Variants in PCCA observed in about 807,000 individuals in gnomAD.
PCCA encodes propionyl-CoA carboxylase subunit alpha.
In PCCA, 74 loss-of-function variants were observed where a neutral mutation model predicts 101.3. The observed-to-expected ratio is 0.73, with a 90% confidence interval of 0.61 to 0.89. The LOEUF (loss-of-function observed/expected upper bound fraction) is 0.89. Ranked by LOEUF, PCCA falls within the 40% of genes least tolerant of loss-of-function variation. The pLI is 0.00. For missense variants in PCCA, 891 were observed against 907.0 expected, an observed-to-expected ratio of 0.98 and a Z score of 0.23; for synonymous variants, 294 against 313.6, an observed-to-expected ratio of 0.94 and a Z score of 0.66.
At chr13:100,527,331 T>C (rs1269179929) in intron 22 of PCCA, 1 of 480,812 alleles carries the variant, frequency 2.1e-6, no homozygotes, top group African/African-American at 2.0e-5. Flanking sequence ...ATCTGCCTAT[T>C]CTGGACATTT....
Position 100,089,145 on chromosome 13 carries a change from G to C in PCCA, c.25G>C (p.Ala9Pro). Reference sequence around the variant, plus strand: ...AATGGCGGGGTTCTGGGTCGGGACAGCACCGCTGGTCGCTGCCGGACGGCG... The same window carrying C: ...AATGGCGGGGTTCTGGGTCGGGACACCACCGCTGGTCGCTGCCGGACGGCG... The part of the protein sequence containing the change: MAGFWVGT[A>P]PLVAAGRRGR... The change falls in exon 1 of 24, where the codon GCA (alanine) becomes CCA (proline). Residue 9 changes from alanine to proline, a missense_variant. Ala to Pro is a conservative substitution (Grantham distance 27). Coordinates refer to ENST00000376285, the MANE Select transcript of PCCA (RefSeq NM_000282.4). 1 of 1,522,442 alleles carries C rather than the reference G, an allele frequency of 6.6e-7. No homozygotes were observed. Among genetic ancestry groups the C allele is most frequent in the Non-Finnish European group, 8.8e-7 (1 of 1,135,602 alleles). The allele number at this position is 1,522,442 out of a possible 1,614,324, so 94.3% of individuals were successfully genotyped here.
chr13:100,337,797 A>G (rs1039499674), intron 17 of PCCA, among the ~76,000 whole-genome samples: 8 of 152,210 alleles, frequency 5.3e-5, no homozygotes, highest in African/African-American at 1.9e-4. Flanking sequence ...CTGATGGTAT[A>G]TACGGTGCAT....
chr13:100,425,346 G>A (rs1370703636), intron 19 of PCCA, among the ~76,000 whole-genome samples: 1 of 151,262 alleles, frequency 6.6e-6, no homozygotes, highest in African/African-American at 2.5e-5. Flanking sequence ...TGCAGTAAAT[G>A]TAGCATGTCC....
In PCCA at chr13:100,112,955, A is replaced by C. The variant is rs112592061; in HGVS notation, c.300+894A>C. ...ATGGGGAAAGAATGTAAATTATTAA[A>C]TCTTTATGGCATGAAATATAAGTAG... On this transcript the variant is annotated intron_variant, in intron 4 of 23. Transcript: ENST00000376285. Among the ~76,000 whole-genome samples, 429 of 152,302 alleles carry C rather than the reference A, an allele frequency of 2.8e-3. 5 individuals are homozygous for C. Among genetic ancestry groups the C allele is most frequent in the African/African-American group, 9.7e-3 (405 of 41,566 alleles).
rs575926454 is a variant in PCCA, at chr13:100,118,073, G to A, written c.300+6012G>A. ...GGAGCTTGCAGTGAGCTGAGATCGT[G>A]CCACTGCAGTCCAGCCTGGGCGACA... On this transcript the variant is annotated intron_variant, in intron 4 of 23. Coordinates refer to ENST00000376285, the MANE Select transcript of PCCA (RefSeq NM_000282.4). Among the ~76,000 whole-genome samples, 11 of 148,702 alleles carry A rather than the reference G, an allele frequency of 7.4e-5. No individual in the cohort carries two copies. The South Asian group carries it at 1.7e-3, about 23-fold the overall frequency.
chr13:100,157,185 T>A, intron 5 of PCCA, 102 bp from the exon 6 acceptor site: 2 of 745,020 alleles, frequency 2.7e-6, no homozygotes, highest in South Asian at 3.2e-5. Flanking sequence ...ATTCAAGGGC[T>A]CTTGAACAGT....
chr13:100,515,120 A>T (rs780805824), intron 21 of PCCA, among the ~76,000 whole-genome samples: 5 of 152,230 alleles, frequency 3.3e-5, no homozygotes, highest in Non-Finnish European at 7.3e-5. Context: ...GGTGAAGGGA[A>T]TACAAGTAAA....
At chr13:100,488,267 A>G (rs2152976926) in intron 21 of PCCA, among the ~76,000 whole-genome samples, 1 of 152,052 alleles carries the variant, frequency 6.6e-6, no homozygotes, top group East Asian at 1.9e-4. Flanking sequence ...CTAATTTTGC[A>G]TTTTTAGTAG....
chr13:100,412,203 A>C (rs1020415582), intron 19 of PCCA, among the ~76,000 whole-genome samples: 1 of 152,230 alleles, frequency 6.6e-6, no homozygotes, highest in Non-Finnish European at 1.5e-5. Context: ...AGTCAACAAC[A>C]TCAGGAAGTT....
At chr13:100,417,140 G>A (rs2078430060) in intron 19 of PCCA, among the ~76,000 whole-genome samples, 1 of 152,164 alleles carries the variant, frequency 6.6e-6, no homozygotes, top group African/African-American at 2.4e-5. Flanking sequence ...ACCGTGCCCG[G>A]CCTGTCATGT....
chr13:100,497,093 T>G (rs117600894), intron 21 of PCCA, among the ~76,000 whole-genome samples: 1,795 of 152,182 alleles, frequency 0.012, 23 homozygotes, highest in Non-Finnish European at 0.02. Context: ...ATTCCATAGT[T>G]CTCTCTCCCC....
intron 21 of PCCA, among the ~76,000 whole-genome samples, chr13:100,467,605 C>T (rs1234439933): frequency 1.3e-5 from 2 of 152,196 alleles, no homozygotes; most frequent in Non-Finnish European, 2.9e-5. Flanking sequence ...CTCCTGACCT[C>T]ATGATCCACC....
At chr13:100,497,186 A>G (rs2085336782) in intron 21 of PCCA, among the ~76,000 whole-genome samples, 1 of 152,238 alleles carries the variant, frequency 6.6e-6, no homozygotes, top group African/African-American at 2.4e-5. Flanking sequence ...CACAGGATGC[A>G]CAGTTAATTT....
In PCCA at chr13:100,260,379, T is replaced by TTG. The variant is rs138371283; in HGVS notation, c.717-2332_717-2331dup. ...TGTTGTACAAAAACAAGCAAATTAG[T>TTG]TGTGTGTGTGTGTGTGTGTTTTTTT... is the stretch of plus-strand genomic sequence containing the variant. On this transcript the variant is annotated intron_variant, in intron 9 of 23. Transcript: ENST00000376285. 3.9e-3 allele frequency among the ~76,000 whole-genome samples: 533 copies of TTG among 135,492 alleles called. 9 individuals carry two copies. Among genetic ancestry groups the TTG allele is most frequent in the African/African-American group, 0.014 (501 of 36,552 alleles). The allele number at this position is 135,492 out of a possible 152,430, so 88.9% of individuals were successfully genotyped here.
chr13:100,441,112 A>G (rs1380931717), intron 20 of PCCA, among the ~76,000 whole-genome samples: 1 of 152,188 alleles, frequency 6.6e-6, no homozygotes, highest in African/African-American at 2.4e-5. Flanking sequence ...CCGAATGGGA[A>G]AATGTCTTTC....
Position 100,517,046 on chromosome 13 carries a change from CGTGTGTGTGT to C in PCCA, c.2040+1514_2040+1523del, listed in dbSNP as rs3840814. Among the ~76,000 whole-genome samples the C allele has an allele frequency of 2.5e-3, 331 of 133,060 alleles. 1 individual carries two copies. Among genetic ancestry groups the C allele is most frequent in the African/African-American group, 4.5e-3 (158 of 35,158 alleles). The allele number at this position is 133,060 out of a possible 152,430, so 87.3% of individuals were successfully genotyped here. A position where few individuals can be genotyped will look rare whatever the true frequency, so the allele number is the denominator to read the frequency against. On this transcript the variant is annotated intron_variant, in intron 22 of 23. Transcript: ENST00000376285. Reference sequence around the variant, plus strand: ...AATTGTGTGGCTTTAATTATAAAATCGTGTGTGTGTGTGTGTGTGTGTGTGTGTGTGTGTG... The same window carrying C: ...AATTGTGTGGCTTTAATTATAAAATCGTGTGTGTGTGTGTGTGTGTGTGTG...
chr13:100,330,165 G>A (rs138532754), intron 16 of PCCA, among the ~76,000 whole-genome samples: 94 of 152,174 alleles, frequency 6.2e-4, no homozygotes, highest in African/African-American at 2.1e-3. Flanking sequence ...GTCAAATCCC[G>A]AAGCATGGAT....
chr13:100,480,279 G>A lies in PCCA; in HGVS notation c.1899+30974G>A, dbSNP rs1474166306. ...TACTCACCCACATTTATTGAGTACT[G>A]TGTTTCCTTGAAAGATCTCAAACAA... On this transcript the variant is annotated intron_variant, in intron 21 of 23. Coordinates refer to ENST00000376285, the MANE Select transcript of PCCA (RefSeq NM_000282.4). The A allele has an allele frequency of 2.0e-5, 3 of 152,100 alleles. No homozygotes were observed. In the East Asian group the frequency reaches 5.8e-4, roughly 29 times the overall value. The allele number at this position is 152,100 out of a possible 1,614,324, so 9.4% of individuals were successfully genotyped here. A position where few individuals can be genotyped will look rare whatever the true frequency, so the allele number is the denominator to read the frequency against.
chr13:100,147,353 TTTATATGCATAGTGTCATC>T (rs1483201344), intron 4 of PCCA, among the ~76,000 whole-genome samples: 3 of 152,236 alleles, frequency 2.0e-5, no homozygotes, highest in Admixed American at 2.0e-4. Context: ...AATGACTTGC[TTTATATGCATAGTGTCATC>T]ATTTAGTGGC....
Sources: gnomAD v4.1 joint callset for allele counts (sites outside exome capture counted in the v4.1 genomes callset) on GRCh38, gnomAD v4.1.1 for gene constraint, MANE v1.5 for transcripts, NCBI Gene and HGNC (gene_info 2026-07-23, HGNC 2026-07-21) for gene names.